Variants in MRE11 observed in about 807,000 individuals in gnomAD.
MRE11 encodes the protein MRE11 double strand break repair nuclease.
MRE11 carries 62 observed loss-of-function variants against 91.7 expected under a neutral mutation model. The ratio of observed to expected loss-of-function variants is 0.68; its 90% CI spans 0.55 to 0.84. The LOEUF is 0.84. Among genes scored for constraint, MRE11 ranks in the 40% least tolerant of loss-of-function variants. The pLI, the probability that MRE11 is intolerant of heterozygous loss-of-function variation, is 0.00. For synonymous variants in MRE11, 273 were observed against 271.4 expected (o/e 1.01, Z -0.06); for missense variants, 796 against 852.9 (o/e 0.93, Z 0.83).
At chr11:94,421,696 C>T (rs1439368514) in intron 19 of MRE11, among the ~76,000 whole-genome samples, 1 of 152,186 alleles carries the variant, frequency 6.6e-6, no homozygotes, top group East Asian at 1.9e-4. Flanking sequence ...AGCTTAAATA[C>T]AGGGAACATG....
chr11:94,424,028 A>C (rs1945242345), intron 19 of MRE11, among the ~76,000 whole-genome samples: 1 of 152,184 alleles, frequency 6.6e-6, no homozygotes, highest in Non-Finnish European at 1.5e-5. Flanking sequence ...AAGACACCAA[A>C]CAACAGTAAT....
Position 94,416,942 on chromosome 11 carries a change from A to ATT in MRE11, c.*3181_*3182dup, listed in dbSNP as rs1285440762. The ATT allele has an allele frequency of 1.3e-5, 2 of 152,114 alleles. No individual in the cohort carries two copies. The highest frequency in any genetic ancestry group is 2.1e-4 in the South Asian group (1 of 4,826). 9.4% of individuals were successfully genotyped at this position (152,114 alleles called of 1,614,324 possible). A position where few individuals can be genotyped will look rare whatever the true frequency, so the allele number is the denominator to read the frequency against. On this transcript the variant is annotated 3_prime_UTR_variant, in exon 20 of 20. Coordinates refer to ENST00000323929, the MANE Select transcript of MRE11 (RefSeq NM_005591.4). ...TTCTTTGGGGGAAAGTCGCTTTTAA[A>ATT]TTCTATATTTCCAAAAAAGATATTT...
At position 94,418,418 on chromosome 11, in the gene MRE11, T is replaced by C. The variant is rs1205416965; in HGVS notation, c.*1707A>G. 4.3e-6 allele frequency: 1 copy of C among 232,478 alleles called. No homozygotes were observed. The highest frequency in any genetic ancestry group is 2.2e-5 in the African/African-American group (1 of 45,286). The allele number at this position is 232,478 out of a possible 1,614,324, so 14.4% of individuals were successfully genotyped here. A position where few individuals can be genotyped will look rare whatever the true frequency, so the allele number is the denominator to read the frequency against. On this transcript the variant is annotated 3_prime_UTR_variant, in exon 20 of 20. Coordinates refer to ENST00000323929, the MANE Select transcript of MRE11 (RefSeq NM_005591.4). The stretch of plus-strand genomic sequence containing the variant: ...TTAAGGAAAAAAACTTTATTCCTTT[T>C]TTCCTAGGAACTTGTCAGGATACTT...
chr11:94,493,443 CAG>C (rs1320131961), intron 1 of MRE11, among the ~76,000 whole-genome samples: 1 of 152,126 alleles, frequency 6.6e-6, no homozygotes, highest in Non-Finnish European at 1.5e-5. Context: ...TGAAAATAGC[CAG>C]GTTTGGGGAA....
chr11:94,488,998 C>T (rs1207365918), intron 3 of MRE11, among the ~76,000 whole-genome samples: 3 of 152,074 alleles, frequency 2.0e-5, no homozygotes, highest in South Asian at 4.2e-4. Flanking sequence ...AATATGTATA[C>T]CCACTGCTTT....
At chr11:94,429,420 T>C (rs1033290892) in intron 19 of MRE11, among the ~76,000 whole-genome samples, 1 of 152,186 alleles carries the variant, frequency 6.6e-6, no homozygotes, top group African/African-American at 2.4e-5. Context: ...AGCAAAGACA[T>C]GGAATCAACT....
intron 6 of MRE11, 32 bp downstream of exon 6, chr11:94,478,703 T>C: frequency 6.2e-7 from 1 of 1,610,070 alleles, no homozygotes; most frequent in Non-Finnish European, 8.5e-7. Context: ...GAATCACACA[T>C]GGACATAAAC....
chr11:94,474,413 A>T lies in MRE11; in HGVS notation c.659+1876T>A, dbSNP rs567200815. Among the ~76,000 whole-genome samples the T allele has an allele frequency of 2.8e-4, 43 of 152,070 alleles. 1 individual carries two copies. In the South Asian group the frequency reaches 8.9e-3, roughly 32 times the overall value. ...AGGAACAGTAGCAACCAAAAAACTGATAGTACTGGATCTTCAAGTCCATAA... is the reference window on the plus strand; with the variant it reads ...AGGAACAGTAGCAACCAAAAAACTGTTAGTACTGGATCTTCAAGTCCATAA... On this transcript the variant is annotated intron_variant, in intron 7 of 19. Coordinates refer to ENST00000323929, the MANE Select transcript of MRE11 (RefSeq NM_005591.4).
rs763251305 is a variant in MRE11 at position 94,447,200 on chromosome 11, G to T, written c.1783+19C>A. The T allele has an allele frequency of 6.2e-7, 1 of 1,602,428 alleles. No homozygotes were observed. Among genetic ancestry groups the T allele is most frequent in the Non-Finnish European group, 8.5e-7 (1 of 1,173,402 alleles). The stretch of plus-strand genomic sequence containing the variant: ...AACTGCCAAGTGTGAATGTGCACAG[G>T]ACTGAACTCAGTGCTCACCTCTTCC... On this transcript the variant is annotated intron_variant, in intron 15 of 19. Coordinates refer to ENST00000323929, the MANE Select transcript of MRE11 (RefSeq NM_005591.4).
At chr11:94,447,119 T>C in intron 15 of MRE11, 100 bp downstream of exon 15, 1 of 1,243,118 alleles carries the variant, frequency 8.0e-7, no homozygotes, top group Non-Finnish European at 1.2e-6. Flanking sequence ...AACCGTGTTT[T>C]AGAAATAAAA....
intron 9 of MRE11, among the ~76,000 whole-genome samples, chr11:94,470,063 G>A (rs550982903): frequency 6.6e-6 from 1 of 152,188 alleles, no homozygotes; most frequent in Non-Finnish European, 1.5e-5. Flanking sequence ...AGCTTTCAGG[G>A]TGAAAGGGAC....
In MRE11 at chr11:94,470,678, T is replaced by C. The variant is rs772401703; in HGVS notation, c.846-36A>G. ...GAGAAATGAACACCGAGTCACAGTG[T>C]AAATTTCCTCAGGGTGATGTGCAAA... On this transcript the variant is annotated intron_variant, in intron 8 of 19. Coordinates refer to ENST00000323929, the MANE Select transcript of MRE11 (RefSeq NM_005591.4). 19 of 1,608,596 alleles carry C rather than the reference T, an allele frequency of 1.2e-5. No homozygotes were observed. In the African/African-American group the frequency reaches 1.9e-4, roughly 16 times the overall value.
chr11:94,447,508 G>C, intron 14 of MRE11, 70 bp from the exon 15 acceptor site: 2 of 1,433,648 alleles, frequency 1.4e-6, no homozygotes, highest in South Asian at 2.3e-5. Flanking sequence ...ATTAATTTAG[G>C]CATTGACATG....
chr11:94,467,399 G>A (rs1946591275), intron 10 of MRE11, among the ~76,000 whole-genome samples: 1 of 138,386 alleles, frequency 7.2e-6, no homozygotes, highest in Admixed American at 6.9e-5. Context: ...TGAAATCAGG[G>A]CACTGGAGAG....
chr11:94,498,351 T>C (rs1947448129), upstream of MRE11: 1 of 1,613,428 alleles, frequency 6.2e-7, no homozygotes, highest in African/African-American at 1.3e-5. Flanking sequence ...CCCTTGCATC[T>C]TGCTGCTGGG....
intron 18 of MRE11, among the ~76,000 whole-genome samples, chr11:94,434,619 C>T (rs995586585): frequency 1.3e-5 from 2 of 152,122 alleles, no homozygotes; most frequent in African/African-American, 2.4e-5. Flanking sequence ...CCGTTTTCCA[C>T]CCTACTAAGC....
chr11:94,423,772 C>T (rs1399627578), intron 19 of MRE11, among the ~76,000 whole-genome samples: 3 of 152,222 alleles, frequency 2.0e-5, no homozygotes, highest in South Asian at 2.1e-4. Flanking sequence ...AGGGTCCAGA[C>T]GATGGAGCCA....
intron 14 of MRE11, among the ~76,000 whole-genome samples, chr11:94,452,513 CA>C (rs1214826020): frequency 2.6e-5 from 4 of 152,082 alleles, no homozygotes; most frequent in African/African-American, 7.2e-5. Flanking sequence ...CAGTATGTAG[CA>C]AAATTTAAAA....
chr11:94,511,163 A>T, the MRE11 span, among the ~76,000 whole-genome samples: 1 of 152,084 alleles, frequency 6.6e-6, no homozygotes, highest in Admixed American at 6.5e-5. Flanking sequence ...ACAACCTTTT[A>T]ATTGCCTCTC....
Sources: allele counts gnomAD v4.1 joint callset (sites outside exome capture counted in the v4.1 genomes callset), GRCh38; gene constraint gnomAD v4.1.1; transcripts MANE v1.5; gene names NCBI Gene and HGNC (gene_info 2026-07-23, HGNC 2026-07-21).